The following ATF7IP variants were observed in gnomAD, a reference collection of about 807,000 sequenced individuals.
ATF7IP encodes activating transcription factor 7-interacting protein 1.
A neutral mutation model predicts 106.4 loss-of-function variants in ATF7IP; 23 were observed. The observed-to-expected ratio is 0.22, with a 90% confidence interval of 0.16 to 0.31. The LOEUF is 0.31. Ranked by LOEUF, ATF7IP falls within the 10% of genes least tolerant of loss-of-function variation. ATF7IP has a pLI of 1.00. For synonymous variants in ATF7IP, 542 were observed against 539.0 expected (o/e 1.01, Z -0.08); for missense variants, 1,334 against 1,524.3 (o/e 0.88, Z 2.08).
rs1246828694 is a variant in ATF7IP, at chr12:14,499,306, G to C, written c.*1233G>C. On this transcript the variant is annotated 3_prime_UTR_variant, in exon 15 of 15. Transcript: ENST00000261168. ...GCTATTTTCTTCTAAAACTATAGAT[G>C]CTTTTATTTTTGGTCACTATTTAAC... The C allele has an allele frequency of 6.6e-6, 1 of 152,152 alleles. No homozygotes were observed. The highest frequency in any genetic ancestry group is 1.5e-5 in the Non-Finnish European group (1 of 68,016). The allele number at this position is 152,152 out of a possible 1,614,324, so 9.4% of individuals were successfully genotyped here.
chr12:14,390,700 A>G (rs961254915), intron 1 of ATF7IP, among the ~76,000 whole-genome samples: 1 of 152,388 alleles, frequency 6.6e-6, no homozygotes, highest in East Asian at 1.9e-4. Context: ...TTAACCGTAC[A>G]CTAGATTAGA....
chr12:14,396,896 C>A (rs1939879526), intron 1 of ATF7IP, among the ~76,000 whole-genome samples: 1 of 152,116 alleles, frequency 6.6e-6, no homozygotes, highest in African/African-American at 2.4e-5. Flanking sequence ...CGTGGTGGCT[C>A]ACGCCTGTAA....
intron 10 of ATF7IP, among the ~76,000 whole-genome samples, 160 bp downstream of exon 10, chr12:14,466,750 G>A (rs1943848587): frequency 6.6e-6 from 1 of 152,052 alleles, no homozygotes; most frequent in South Asian, 2.1e-4. Context: ...GACAAGAATT[G>A]AGGTTTTTGT....
At chr12:14,422,028 T>C (rs1032886971) in intron 1 of ATF7IP, among the ~76,000 whole-genome samples, 6 of 152,152 alleles carry the variant, frequency 3.9e-5, no homozygotes, top group Non-Finnish European at 5.9e-5. Context: ...AAATGTGAGA[T>C]GCAACTAAAG....
intron 1 of ATF7IP, among the ~76,000 whole-genome samples, chr12:14,405,609 G>T (rs998444793): frequency 1.3e-5 from 2 of 151,672 alleles, no homozygotes; most frequent in Non-Finnish European, 2.9e-5. Context: ...TTGAGACAGG[G>T]TCTCACTATG....
intron 1 of ATF7IP, among the ~76,000 whole-genome samples, chr12:14,401,107 C>G (rs1940165827): frequency 1.3e-5 from 2 of 151,946 alleles, no homozygotes; most frequent in South Asian, 4.2e-4. Flanking sequence ...TATTTTATGT[C>G]TAGTGTCTTT....
intron 5 of ATF7IP, among the ~76,000 whole-genome samples, chr12:14,440,998 T>G (rs183466218): frequency 1.8e-4 from 28 of 152,376 alleles, no homozygotes; most frequent in African/African-American, 6.7e-4. Context: ...GGCATTTGGG[T>G]TGTTCCTACT....
chr12:14,475,444 A>G (rs1944226566), intron 10 of ATF7IP, among the ~76,000 whole-genome samples: 2 of 152,196 alleles, frequency 1.3e-5, no homozygotes, highest in Admixed American at 1.3e-4. Flanking sequence ...AGCATACCAT[A>G]TGATTTCATA....
chr12:14,471,644 CCTT>C (rs1274224812), intron 10 of ATF7IP, among the ~76,000 whole-genome samples: 2 of 152,026 alleles, frequency 1.3e-5, no homozygotes, highest in African/African-American at 2.4e-5. Flanking sequence ...GCAAACATGT[CCTT>C]CTTCACATAA....
rs1324945861 is a variant in ATF7IP, at chr12:14,502,470, A to G, written c.*4397A>G. 2 of 152,092 alleles carry G rather than the reference A, an allele frequency of 1.3e-5. No individual in the cohort carries two copies. Among genetic ancestry groups the G allele is most frequent in the African/African-American group, 4.8e-5 (2 of 41,424 alleles). 9.4% of individuals were successfully genotyped at this position (152,092 alleles called of 1,614,324 possible). A position where few individuals can be genotyped will look rare whatever the true frequency, so the allele number is the denominator to read the frequency against. ...AAACTTTTCTTTGTTTTTTATTTGT[A>G]GAGTCAGCTAAGTACCCATATTTAA... On this transcript the variant is annotated 3_prime_UTR_variant, in exon 15 of 15. Coordinates refer to ENST00000261168, the MANE Select transcript of ATF7IP (RefSeq NM_018179.5).
intron 2 of ATF7IP, 34 bp from the exon 3 acceptor site, chr12:14,434,303 G>A (rs1243149421): frequency 2.4e-6 from 3 of 1,243,456 alleles, no homozygotes. Flanking sequence ...AATTCTAGTA[G>A]AAGTAAGATT....
At chr12:14,481,219 A>G (rs1020217784) in intron 13 of ATF7IP, 34 bp downstream of exon 13, 4 of 1,608,866 alleles carry the variant, frequency 2.5e-6, no homozygotes, top group Non-Finnish European at 2.5e-6. Flanking sequence ...GCCCCAAGAT[A>G]CATGTAGTTC....
chr12:14,394,361 T>G (rs1314983770), intron 1 of ATF7IP, among the ~76,000 whole-genome samples: 2 of 152,156 alleles, frequency 1.3e-5, no homozygotes, highest in Non-Finnish European at 2.9e-5. Flanking sequence ...ATTTTTCTTG[T>G]GGTGGGGGGT....
chr12:14,497,800 A>G lies in ATF7IP; in HGVS notation c.3540A>G (p.Ser1180=), dbSNP rs1448001495. 6.2e-7 allele frequency: 1 copy of G among 1,614,022 alleles called. No individual in the cohort carries two copies. ...RVQSQNGIVL[S]WSVLEVDRSC... ...AGAGTCAAAATGGCATAGTACTGTC[A>G]TGGAGTGTCCTGGAGGTGGATCGAA... The change falls in exon 15 of 15, where the codon TCA becomes TCG. Residue 1180 remains serine, a synonymous_variant. Coordinates refer to ENST00000261168, the MANE Select transcript of ATF7IP (RefSeq NM_018179.5).
chr12:14,461,555 A>G (rs1320559622), intron 9 of ATF7IP, among the ~76,000 whole-genome samples: 1 of 152,118 alleles, frequency 6.6e-6, no homozygotes, highest in African/African-American at 2.4e-5. Context: ...TTGTGCACTC[A>G]CTCATAGCTT....
In ATF7IP at chr12:14,424,423, GCCTCTGGTGATGCAA is replaced by G. The variant is rs749410052; in HGVS notation, c.522_536del (p.Thr175_Ala179del). The G allele has an allele frequency of 5.0e-5, 80 of 1,613,756 alleles. 1 individual carries two copies. The East Asian group carries it at 1.1e-3, about 22-fold the overall frequency. ...TAGCGAGCCCTCCTCTAGTGATGCT[GCCTCTGGTGATGCAA>G]CCTCTGGTGATGCCCCTTCTGGTGA... On this transcript the variant is annotated inframe_deletion, in exon 2 of 15. Transcript: ENST00000261168.
rs543605071 is a variant in ATF7IP at position 14,386,865 on chromosome 12, T to G, written c.-8+21038T>G. 3.9e-5 allele frequency among the ~76,000 whole-genome samples: 6 copies of G among 152,192 alleles called. 1 individual carries two copies. Among genetic ancestry groups the G allele is most frequent in the Admixed American group, 2.0e-4 (3 of 15,288 alleles). ...TATTCTAGAATGTGTCTTCGTTATG[T>G]TGATTTTTGATGTTCATGAAGATGG... is the stretch of plus-strand genomic sequence containing the variant. On this transcript the variant is annotated intron_variant, in intron 1 of 14. Coordinates refer to ENST00000261168, the MANE Select transcript of ATF7IP (RefSeq NM_018179.5).
At chr12:14,386,943 T>C (rs1025329855) in intron 1 of ATF7IP, among the ~76,000 whole-genome samples, 2 of 152,176 alleles carry the variant, frequency 1.3e-5, no homozygotes, top group Non-Finnish European at 2.9e-5. Flanking sequence ...TTGACTTGTC[T>C]CAGCCTTGTG....
chr12:14,429,398 T>C (rs1942017210), intron 2 of ATF7IP, among the ~76,000 whole-genome samples: 1 of 152,200 alleles, frequency 6.6e-6, no homozygotes. Flanking sequence ...ATAGGCCTCC[T>C]CCACGTGCTT....
Sources: gnomAD v4.1 joint callset for allele counts (sites outside exome capture counted in the v4.1 genomes callset) on GRCh38, gnomAD v4.1.1 for gene constraint, MANE v1.5 for transcripts, NCBI Gene and HGNC (gene_info 2026-07-23, HGNC 2026-07-21) for gene names.